The following CADPS variants were observed in gnomAD, a reference collection of about 807,000 sequenced individuals.
CADPS encodes calcium-dependent secretion activator 1.
CADPS carries 57 observed loss-of-function variants against 167.3 expected under a neutral mutation model. That is an observed-to-expected ratio of 0.34 (90% confidence interval 0.28 to 0.42). CADPS has a LOEUF of 0.42. Among genes scored for constraint, CADPS ranks in the 20% least tolerant of loss-of-function variants. The pLI is 1.00. For missense variants in CADPS, 1,414 were observed against 1,738.1 expected, an observed-to-expected ratio of 0.81 and a Z score of 3.32; for synonymous variants, 676 against 635.3, an observed-to-expected ratio of 1.06 and a Z score of -0.96.
At position 62,486,034 on chromosome 3, in the gene CADPS, T is replaced by C. The variant is rs551455247; in HGVS notation, c.3027-4165A>G. ...AGGCCACCTGCATATTGCTAAGGTG[T>C]CTTTGGTCTGATGGTTGATATGCTA... On this transcript the variant is annotated intron_variant, in intron 21 of 29. Transcript: ENST00000383710. Among the ~76,000 whole-genome samples the C allele has an allele frequency of 1.0e-3, 153 of 152,316 alleles. 2 individuals carry two copies. In the Middle Eastern group the frequency reaches 0.01, roughly 10 times the overall value.
intron 26 of CADPS, among the ~76,000 whole-genome samples, chr3:62,461,207 T>C (rs908494519): frequency 2.6e-5 from 4 of 152,250 alleles, no homozygotes; most frequent in Admixed American, 6.5e-5. Context: ...TTAAAGCACA[T>C]AGCTTTGTGC....
At chr3:62,847,060 C>T (rs1166066307) in intron 1 of CADPS, among the ~76,000 whole-genome samples, 1 of 152,182 alleles carries the variant, frequency 6.6e-6, no homozygotes, top group Non-Finnish European at 1.5e-5. Flanking sequence ...GACTAATGCT[C>T]AAACTGTCTG....
At chr3:62,408,486 G>A (rs2048329405) in intron 28 of CADPS, among the ~76,000 whole-genome samples, 1 of 152,116 alleles carries the variant, frequency 6.6e-6, no homozygotes, top group Admixed American at 6.6e-5. Flanking sequence ...CCCCTGGAAG[G>A]GATTAGGCTT....
intron 29 of CADPS, among the ~76,000 whole-genome samples, chr3:62,400,561 T>C (rs923891980): frequency 5.9e-5 from 9 of 151,746 alleles, no homozygotes; most frequent in Admixed American, 1.3e-4. Context: ...AATGCTAACA[T>C]ACGTCAACAC....
At chr3:62,423,165 A>G (rs2051835499) in intron 28 of CADPS, among the ~76,000 whole-genome samples, 1 of 152,200 alleles carries the variant, frequency 6.6e-6, no homozygotes, top group African/African-American at 2.4e-5. Flanking sequence ...TATCACCCTG[A>G]AGTGGGTTAC....
At chr3:62,595,791 G>A (rs1180084979) in intron 6 of CADPS, among the ~76,000 whole-genome samples, 2 of 152,152 alleles carry the variant, frequency 1.3e-5, no homozygotes, top group African/African-American at 2.4e-5. Context: ...TAACATTTGA[G>A]TCAGTGGGCT....
At chr3:62,426,783 G>T (rs1163496551) in intron 28 of CADPS, among the ~76,000 whole-genome samples, 1 of 151,926 alleles carries the variant, frequency 6.6e-6, no homozygotes, top group Non-Finnish European at 1.5e-5. Context: ...AAGTTGACAG[G>T]GCGGTCAGGC....
chr3:62,779,656 C>T (rs751313651), intron 1 of CADPS: 4 of 526,540 alleles, frequency 7.6e-6, no homozygotes, highest in Admixed American at 2.0e-5. Flanking sequence ...TGTCTCCTTA[C>T]CTGAGTGCAA....
intron 2 of CADPS, among the ~76,000 whole-genome samples, chr3:62,758,167 C>T (rs745489106): frequency 1.3e-5 from 2 of 152,216 alleles, no homozygotes; most frequent in Non-Finnish European, 2.9e-5. Context: ...AGACAAGTCA[C>T]CTAACCTCCA....
At chr3:62,510,076 CTCTT>C (rs1460520159) in intron 17 of CADPS, among the ~76,000 whole-genome samples, 3 of 152,152 alleles carry the variant, frequency 2.0e-5, no homozygotes, top group Non-Finnish European at 4.4e-5. Flanking sequence ...GCTCTCTTCT[CTCTT>C]TCTCTCCCCA....
chr3:62,782,270 C>G (rs1559595100), intron 1 of CADPS, among the ~76,000 whole-genome samples: 1 of 152,148 alleles, frequency 6.6e-6, no homozygotes. Flanking sequence ...GTTCAAATTT[C>G]AGAAGGCCTA....
chr3:62,693,733 C>T (rs938426789), intron 3 of CADPS, among the ~76,000 whole-genome samples: 4 of 149,710 alleles, frequency 2.7e-5, no homozygotes, highest in Non-Finnish European at 5.9e-5. Context: ...TGTAGTGAGC[C>T]GAGATTGCAT....
At chr3:62,510,630 C>G (rs765242806) in intron 17 of CADPS, among the ~76,000 whole-genome samples, 6 of 152,028 alleles carry the variant, frequency 3.9e-5, no homozygotes, top group Non-Finnish European at 7.4e-5. Flanking sequence ...CACCAAAATG[C>G]CATCTGCATA....
chr3:62,730,865 T>A (rs1011509598), intron 3 of CADPS, among the ~76,000 whole-genome samples: 1 of 152,214 alleles, frequency 6.6e-6, no homozygotes, highest in African/African-American at 2.4e-5. Context: ...TTGGCATATG[T>A]ATGAGATGGC....
chr3:62,586,657 T>G (rs930318047), intron 7 of CADPS, among the ~76,000 whole-genome samples: 8 of 152,230 alleles, frequency 5.3e-5, no homozygotes, highest in African/African-American at 1.9e-4. Context: ...GTCTTCCCAC[T>G]GTCTTATGAC....
intron 3 of CADPS, among the ~76,000 whole-genome samples, chr3:62,733,756 T>C (rs1244464243): frequency 6.6e-6 from 1 of 151,060 alleles, no homozygotes; most frequent in Non-Finnish European, 1.5e-5. Context: ...ATAAGTCCTT[T>C]AGTGGTGATT....
chr3:62,504,351 G>A (rs1323599850), intron 17 of CADPS, among the ~76,000 whole-genome samples: 1 of 152,206 alleles, frequency 6.6e-6, no homozygotes, highest in East Asian at 1.9e-4. Context: ...ACTGCCTAAA[G>A]TTAAGAGCAT....
intron 1 of CADPS, among the ~76,000 whole-genome samples, chr3:62,769,084 C>T (rs2087765226): frequency 6.6e-6 from 1 of 152,128 alleles, no homozygotes; most frequent in South Asian, 2.1e-4. Context: ...CTCTAAAGCT[C>T]AGTTTTCTCA....
At chr3:62,400,601 C>CTTTCTT (rs1553688327) in intron 29 of CADPS, among the ~76,000 whole-genome samples, 1 of 130,430 alleles carries the variant, frequency 7.7e-6, no homozygotes, top group Admixed American at 7.8e-5. Flanking sequence ...TTTTTTTTTT[C>CTTTCTT]TTTTTTTTTT....
Sources: allele counts gnomAD v4.1 joint callset (sites outside exome capture counted in the v4.1 genomes callset), GRCh38; gene constraint gnomAD v4.1.1; transcripts MANE v1.5; gene names NCBI Gene and HGNC (gene_info 2026-07-23, HGNC 2026-07-21).